The following CPQ variants were observed in gnomAD, a reference collection of about 807,000 sequenced individuals.
CPQ encodes carboxypeptidase Q.
A neutral mutation model predicts 45.7 loss-of-function variants in CPQ; 37 were observed. That is an observed-to-expected ratio of 0.81 (90% CI 0.62 to 1.07). The LOEUF is 1.07. Among genes scored for constraint, CPQ ranks in the 50% least tolerant of loss-of-function variants. The pLI is 0.00. For synonymous variants in CPQ, 186 were observed against 205.8 expected, an observed-to-expected ratio of 0.90 and a Z score of 0.82; for missense variants, 537 against 572.9, an observed-to-expected ratio of 0.94 and a Z score of 0.64.
chr8:97,008,161 A>G (rs1486997485), intron 5 of CPQ, among the ~76,000 whole-genome samples: 3 of 152,250 alleles, frequency 2.0e-5, no homozygotes, highest in African/African-American at 4.8e-5. Context: ...TCCATTTAAT[A>G]TCAGTTATCA....
At chr8:96,928,918 A>T (rs1812931578) in intron 4 of CPQ, among the ~76,000 whole-genome samples, 1 of 152,190 alleles carries the variant, frequency 6.6e-6, no homozygotes. Flanking sequence ...GCTGAGTCTG[A>T]ACACAAACCC....
chr8:96,709,932 T>G (rs1586367811), intron 1 of CPQ, among the ~76,000 whole-genome samples: 2 of 152,248 alleles, frequency 1.3e-5, no homozygotes. Flanking sequence ...TTTCTCAATC[T>G]TTTGGAATAG....
intron 3 of CPQ, among the ~76,000 whole-genome samples, chr8:96,842,721 T>C (rs1811629080): frequency 6.6e-6 from 1 of 152,194 alleles, no homozygotes; most frequent in Non-Finnish European, 1.5e-5. Flanking sequence ...GCATGCTTCC[T>C]CATAATGGAT....
At chr8:97,029,271 C>T in intron 5 of CPQ, 132 bp from the exon 6 acceptor site, 1 of 821,690 alleles carries the variant, frequency 1.2e-6, no homozygotes, top group Non-Finnish European at 1.9e-6. Flanking sequence ...CTGAAGGAGA[C>T]AACCACACCA....
chr8:96,991,322 C>T (rs1362945771), intron 5 of CPQ, among the ~76,000 whole-genome samples: 6 of 151,968 alleles, frequency 3.9e-5, no homozygotes, highest in East Asian at 1.9e-4. Flanking sequence ...TTTGGGAGAC[C>T]GAGGTGGGCC....
chr8:96,751,949 G>A (rs1024919067), intron 1 of CPQ, among the ~76,000 whole-genome samples: 1 of 152,046 alleles, frequency 6.6e-6, no homozygotes, highest in African/African-American at 2.4e-5. Context: ...GATGTTTGTA[G>A]GTGTGTGGTC....
chr8:97,040,749 C>G (rs1223803920), intron 6 of CPQ, among the ~76,000 whole-genome samples: 1 of 152,102 alleles, frequency 6.6e-6, no homozygotes, highest in African/African-American at 2.4e-5. Flanking sequence ...GAATCCTTTC[C>G]CCATTGCTTG....
chr8:96,923,654 T>C (rs566726892), intron 4 of CPQ, among the ~76,000 whole-genome samples: 1 of 152,294 alleles, frequency 6.6e-6, no homozygotes, highest in South Asian at 2.1e-4. Context: ...AAGCACCATT[T>C]CCCTGGCCAA....
intron 4 of CPQ, among the ~76,000 whole-genome samples, chr8:96,921,357 A>G (rs912155070): frequency 2.0e-5 from 3 of 152,210 alleles, no homozygotes; most frequent in African/African-American, 7.2e-5. Flanking sequence ...GCCAATCTCA[A>G]AAGAGAGCAT....
intron 4 of CPQ, among the ~76,000 whole-genome samples, chr8:96,935,786 G>A (rs1813039217): frequency 6.6e-6 from 1 of 152,050 alleles, no homozygotes; most frequent in African/African-American, 2.4e-5. Context: ...CTACTTTGTG[G>A]CATAGCATAA....
intron 6 of CPQ, among the ~76,000 whole-genome samples, chr8:97,040,998 T>A (rs1810111667): frequency 6.6e-6 from 1 of 152,004 alleles, no homozygotes; most frequent in African/African-American, 2.4e-5. Context: ...AACTTTAAAG[T>A]AGTTTTTTCC....
intron 1 of CPQ, among the ~76,000 whole-genome samples, chr8:96,725,518 T>C (rs1290211710): frequency 6.6e-6 from 1 of 152,002 alleles, no homozygotes; most frequent in African/African-American, 2.4e-5. Flanking sequence ...GAAATGCAAA[T>C]CAAAAGCACG....
intron 1 of CPQ, among the ~76,000 whole-genome samples, chr8:96,765,693 C>T (rs1810459078): frequency 6.6e-6 from 1 of 152,200 alleles, no homozygotes; most frequent in Admixed American, 6.5e-5. Flanking sequence ...TGAAAGTCTT[C>T]TTACCCACTC....
intron 4 of CPQ, among the ~76,000 whole-genome samples, chr8:96,964,092 C>CT (rs34122483): frequency 0.35 from 43,652 of 126,220 alleles, 6,860 homozygotes; most frequent in South Asian, 0.43. Context: ...AGTTTTCTTT[C>CT]TTTTTTTTTT....
intron 2 of CPQ, among the ~76,000 whole-genome samples, chr8:96,834,407 G>GGAA (rs1282116978): frequency 1.3e-5 from 2 of 152,196 alleles, no homozygotes; most frequent in African/African-American, 4.8e-5. Context: ...AAAGGAGGAA[G>GGAA]GAAAGCTTAC....
At chr8:96,803,092 T>C (rs1476863327) in intron 2 of CPQ, among the ~76,000 whole-genome samples, 1 of 151,838 alleles carries the variant, frequency 6.6e-6, no homozygotes, top group Non-Finnish European at 1.5e-5. Context: ...AAGCCAGTGG[T>C]GTAGTTTGAA....
intron 4 of CPQ, among the ~76,000 whole-genome samples, chr8:96,923,913 G>A (rs957120684): frequency 5.9e-5 from 9 of 152,174 alleles, no homozygotes; most frequent in Non-Finnish European, 1.3e-4. Context: ...TTTGTAGAAC[G>A]TGCCTCAGAA....
chr8:96,799,468 A>G (rs1053187292), intron 2 of CPQ, among the ~76,000 whole-genome samples: 1 of 151,546 alleles, frequency 6.6e-6, no homozygotes, highest in African/African-American at 2.4e-5. Flanking sequence ...TTTTTTTTTT[A>G]GGGCTTAATC....
At chr8:96,695,067 G>A (rs1375051989) in intron 1 of CPQ, among the ~76,000 whole-genome samples, 1 of 150,734 alleles carries the variant, frequency 6.6e-6, no homozygotes, top group Non-Finnish European at 1.5e-5. Flanking sequence ...AACCAAAACA[G>A]CATGGTACTG....
Sources: allele counts gnomAD v4.1 joint callset (sites outside exome capture counted in the v4.1 genomes callset), GRCh38; gene constraint gnomAD v4.1.1; transcripts MANE v1.5; gene names NCBI Gene and HGNC (gene_info 2026-07-23, HGNC 2026-07-21).